TMX3: variants seen among roughly 807,000 people sequenced by gnomAD.
The protein encoded by TMX3 is protein disulfide-isomerase TMX3.
In TMX3, 40 loss-of-function variants were observed where a neutral mutation model predicts 64.4. The observed-to-expected ratio is 0.62, with a 90% confidence interval of 0.48 to 0.81. The LOEUF (loss-of-function observed/expected upper bound fraction) is 0.81, where lower values mean the gene tolerates loss of function less well. Ranked by LOEUF, TMX3 falls within the 30% of genes least tolerant of loss-of-function variation. The pLI, the probability that TMX3 is intolerant of heterozygous loss-of-function variation, is 0.00. For synonymous variants in TMX3, 189 were observed against 175.7 expected, an observed-to-expected ratio of 1.08 and a Z score of -0.60; for missense variants, 497 against 534.5, an observed-to-expected ratio of 0.93 and a Z score of 0.69.
chr18:68,688,734 A>G (rs955553218), intron 9 of TMX3: 3 of 152,250 alleles, frequency 2.0e-5, no homozygotes, highest in Non-Finnish European at 2.9e-5. Flanking sequence ...ACTGGGCCAC[A>G]ATGTCCACTG....
Position 68,715,049 on chromosome 18 carries a change from T to TGCCC in TMX3, c.-72_-69dup. On this transcript the variant is annotated 5_prime_UTR_variant, in exon 1 of 16. Transcript: ENST00000299608. ...GATAAAGACACTGGGGTCCGCCGCC[T>TGCCC]GCCCGCCCGGAAAGGGAAACGGAGC... 1 of 1,547,172 alleles carries TGCCC rather than the reference T, an allele frequency of 6.5e-7. No homozygotes were observed. Among genetic ancestry groups the TGCCC allele is most frequent in the Non-Finnish European group, 8.7e-7 (1 of 1,145,116 alleles).
intron 4 of TMX3, 152 bp from the exon 5 acceptor site, chr18:68,701,942 G>T (rs1162335858): frequency 3.5e-6 from 2 of 565,044 alleles, no homozygotes; most frequent in African/African-American, 3.8e-5. Flanking sequence ...TCACACAAAA[G>T]AAAAAAACAT....
chr18:68,712,896 TTGG>T (rs1352270921), intron 2 of TMX3, among the ~76,000 whole-genome samples: 3 of 151,890 alleles, frequency 2.0e-5, no homozygotes, highest in Non-Finnish European at 4.4e-5. Context: ...CTGCACCCAT[TTGG>T]TCATGCCATC....
chr18:68,697,591 T>C (rs751719335), intron 7 of TMX3: 141 of 332,446 alleles, frequency 4.2e-4, no homozygotes, highest in Non-Finnish European at 5.2e-4. Context: ...ATGATGGTGA[T>C]GATTATAGGA....
chr18:68,681,183 C>T (rs1329261910), intron 13 of TMX3, 73 bp from the exon 14 acceptor site: 4 of 1,262,530 alleles, frequency 3.2e-6, no homozygotes, highest in Non-Finnish European at 3.1e-6. Flanking sequence ...TCATTTATAT[C>T]TCAGTAGCCA....
chr18:68,677,087 C>T lies in TMX3; in HGVS notation c.1211G>A (p.Gly404Asp), dbSNP rs766433749. 1 of 1,613,804 alleles carries T rather than the reference C, an allele frequency of 6.2e-7. No individual in the cohort carries two copies. Among genetic ancestry groups the T allele is most frequent in the Non-Finnish European group, 8.5e-7 (1 of 1,179,780 alleles). ...CACTTCATATCGTTCTTCTATATAA[C>T]CTCCATCTGTGTCGGCTGTGTAGAT... ...YGIYTADTDG[G>D]YIEERYEVSK... Residue 404 changes from glycine to aspartate, a missense_variant, in exon 16 of 16, where the codon GGT (glycine) becomes GAT (aspartate). Around this residue, in one of 3 missense-constraint regions of TMX3, gnomAD observed 94 missense variants for 75.8 expected, o/e 1.24. Transcript: ENST00000299608.
At chr18:68,695,077 T>C (rs866474961) in intron 8 of TMX3, among the ~76,000 whole-genome samples, 8 of 148,494 alleles carry the variant, frequency 5.4e-5, no homozygotes, top group Non-Finnish European at 1.0e-4. Context: ...GAGAAGACTA[T>C]ACTTGTGGTC....
intron 9 of TMX3, 162 bp from the exon 10 acceptor site, chr18:68,687,927 A>G: frequency 2.2e-6 from 1 of 448,774 alleles, no homozygotes; most frequent in Non-Finnish European, 3.9e-6. Context: ...AATGTACAGA[A>G]GGATTAATGC....
At chr18:68,697,171 A>C in intron 8 of TMX3, 55 bp downstream of exon 8, 1 of 892,210 alleles carries the variant, frequency 1.1e-6, no homozygotes. Flanking sequence ...TTATTAAATC[A>C]AGTAATAATT....
chr18:68,688,603 G>A (rs1351620870), intron 9 of TMX3: 3 of 152,046 alleles, frequency 2.0e-5, no homozygotes, highest in African/African-American at 7.2e-5. Flanking sequence ...TTCTTGCATT[G>A]CTAAACAAAA....
chr18:68,690,004 GCT>G (rs1306703884), intron 9 of TMX3: 9 of 152,060 alleles, frequency 5.9e-5, no homozygotes, highest in African/African-American at 2.2e-4. Flanking sequence ...ATAAAATTCA[GCT>G]CTCACATTTA....
At position 68,715,031 on chromosome 18, in the gene TMX3, A is replaced by T; in HGVS notation, c.-50T>A. ...CTGACTGTGCAAAAGAGGGATAAAG[A>T]CACTGGGGTCCGCCGCCTGCCCGCC... On this transcript the variant is annotated 5_prime_UTR_variant, in exon 1 of 16. Transcript: ENST00000299608. The T allele has an allele frequency of 6.4e-7, 1 of 1,551,536 alleles. No homozygotes were observed. Among genetic ancestry groups the T allele is most frequent in the Non-Finnish European group, 8.7e-7 (1 of 1,147,706 alleles).
chr18:68,714,788 C>T, intron 1 of TMX3, 148 bp downstream of exon 1: 3 of 1,132,260 alleles, frequency 2.6e-6, no homozygotes, highest in Non-Finnish European at 3.6e-6. Context: ...CAGGGTGGCG[C>T]GGCGGGGGCG....
chr18:68,708,812 A>G (rs2030982702), intron 4 of TMX3, among the ~76,000 whole-genome samples: 1 of 152,128 alleles, frequency 6.6e-6, no homozygotes, highest in African/African-American at 2.4e-5. Context: ...ACGTGCAGCC[A>G]TTGTGCTAGG....
intron 15 of TMX3, among the ~76,000 whole-genome samples, chr18:68,678,491 T>C (rs1913134205): frequency 6.6e-6 from 1 of 151,876 alleles, no homozygotes; most frequent in African/African-American, 2.4e-5. Flanking sequence ...TGAAAAACAC[T>C]GAAGAGATGG....
chr18:68,708,968 T>C (rs2030994728), intron 4 of TMX3, among the ~76,000 whole-genome samples: 1 of 152,136 alleles, frequency 6.6e-6, no homozygotes, highest in Non-Finnish European at 1.5e-5. Flanking sequence ...GATTAAAACA[T>C]AGCTCTGTCT....
At chr18:68,685,592 C>T (rs1290959562) in intron 10 of TMX3, among the ~76,000 whole-genome samples, 3 of 152,180 alleles carry the variant, frequency 2.0e-5, no homozygotes. Context: ...AACACAGACA[C>T]AGTTTCTCAC....
At chr18:68,678,868 T>C (rs1913170190) in intron 15 of TMX3, among the ~76,000 whole-genome samples, 1 of 150,682 alleles carries the variant, frequency 6.6e-6, no homozygotes, top group Non-Finnish European at 1.5e-5. Context: ...ATTTGATCCA[T>C]CACATTTTAA....
At chr18:68,712,890 A>G (rs2031430586) in intron 2 of TMX3, among the ~76,000 whole-genome samples, 2 of 151,798 alleles carry the variant, frequency 1.3e-5, no homozygotes, top group African/African-American at 4.8e-5. Context: ...CTCTCACTGC[A>G]CCCATTTGGT....
Sources: gnomAD v4.1 joint callset for allele counts (sites outside exome capture counted in the v4.1 genomes callset) on GRCh38, gnomAD v4.1.1 for gene constraint, gnomAD v4.1.1 regional missense constraint, MANE v1.5 for transcripts, NCBI Gene and HGNC (gene_info 2026-07-23, HGNC 2026-07-21) for gene names.